ZFYVE27: variants seen among roughly 807,000 people sequenced by gnomAD.
ZFYVE27 encodes the protein zinc finger FYVE-type containing 27.
ZFYVE27 carries 36 observed loss-of-function variants against 52.8 expected under a neutral mutation model. That is an observed-to-expected ratio of 0.68 (90% confidence interval 0.52 to 0.90). The LOEUF (loss-of-function observed/expected upper bound fraction) is 0.90, where lower values mean the gene tolerates loss of function less well. ZFYVE27 is among the 40% of genes least tolerant of loss of function. The pLI, the probability that ZFYVE27 is intolerant of heterozygous loss-of-function variation, is 0.00. For missense variants in ZFYVE27, 450 were observed against 527.2 expected (o/e 0.85, Z 1.43); for synonymous variants, 223 against 215.6 (o/e 1.03, Z -0.30).
At chr10:97,748,686 G>A (rs972309627) in intron 5 of ZFYVE27, among the ~76,000 whole-genome samples, 8 of 152,134 alleles carry the variant, frequency 5.3e-5, no homozygotes, top group Admixed American at 1.3e-4. Flanking sequence ...GTTTCATAGT[G>A]TATGTTCAAT....
intron 10 of ZFYVE27, among the ~76,000 whole-genome samples, chr10:97,756,744 C>T (rs966117232): frequency 3.7e-4 from 57 of 152,226 alleles, no homozygotes; most frequent in African/African-American, 1.3e-3. Flanking sequence ...TACAGTTGAG[C>T]ATTCTACCCT....
In ZFYVE27 at chr10:97,738,255, C is replaced by T. The variant is rs554259216; in HGVS notation, c.-1-222C>T. On this transcript the variant is annotated intron_variant, in intron 1 of 12. Coordinates refer to ENST00000684270, the MANE Select transcript of ZFYVE27 (RefSeq NM_001385875.1). ...TTTCATTTCAGCCCATGGGCTGCCT[C>T]GCTGCAGCGATCATTTATGCTTGGT... Among the ~76,000 whole-genome samples, 8 of 152,238 alleles carry T rather than the reference C, an allele frequency of 5.3e-5. No homozygotes were observed. The South Asian group carries it at 1.2e-3, about 24-fold the overall frequency.
At chr10:97,757,008 G>C (rs75852623) in intron 10 of ZFYVE27, among the ~76,000 whole-genome samples, 5,308 of 152,264 alleles carry the variant, frequency 0.035, 120 homozygotes, top group South Asian at 0.049. Flanking sequence ...GAACCTGTAG[G>C]TAGGGCCACT....
rs376296816 is a variant in ZFYVE27, at chr10:97,742,002, G to A, written c.198-1092G>A. On this transcript the variant is annotated intron_variant, in intron 2 of 12. Transcript: ENST00000684270. ...ACAAAAACTGGCCAGGTGTGGTGGC[G>A]TGCCCCTGTAATCCCAGCTGCTAGG... is the stretch of plus-strand genomic sequence containing the variant. Among the ~76,000 whole-genome samples the A allele has an allele frequency of 2.5e-4, 38 of 152,002 alleles. 1 individual carries two copies. The highest frequency in any genetic ancestry group is 8.7e-4 in the African/African-American group (36 of 41,476).
intron 5 of ZFYVE27, 94 bp from the exon 6 acceptor site, chr10:97,749,380 G>A: frequency 1.1e-6 from 1 of 900,468 alleles, no homozygotes; most frequent in Non-Finnish European, 1.9e-6. Flanking sequence ...GCCCAGAGCT[G>A]TGTCTCACCT....
At position 97,757,733 on chromosome 10, in the gene ZFYVE27, G is replaced by A. The variant is rs764443885; in HGVS notation, c.1171+10G>A. The A allele has an allele frequency of 4.3e-6, 7 of 1,614,194 alleles. No homozygotes were observed. The South Asian group carries it at 7.7e-5, about 18-fold the overall frequency. ...TCCATGGGGGCCACAGGTGAGTGGT[G>A]CAGGTGGTGGGAGGGCTTGGTTGGT... On this transcript the variant is annotated intron_variant, in intron 12 of 12. Transcript: ENST00000684270.
chr10:97,750,521 CT>C (rs754533457), intron 7 of ZFYVE27, 51 bp downstream of exon 7: 20 of 1,609,878 alleles, frequency 1.2e-5, no homozygotes, highest in Admixed American at 5.0e-5. Context: ...GTGGGCCCCC[CT>C]GTTATCAGCT....
Position 97,743,136 on chromosome 10 carries a change from C to T in ZFYVE27, c.240C>T (p.Leu80=). ...PLCSLLTCLG[L]NVLFLTLNEG... is the part of the protein sequence containing the mutation. ...GTTCCTTGCTGACCTGCCTGGGCCT[C>T]AACGTCTTGTTCCTCACTTTGAATG... Residue 80 remains leucine (L), a synonymous_variant, in exon 3 of 13, where the codon CTC becomes CTT. Coordinates refer to ENST00000684270, the MANE Select transcript of ZFYVE27 (RefSeq NM_001385875.1). 1 of 1,614,220 alleles carries T rather than the reference C, an allele frequency of 6.2e-7. No homozygotes were observed. Among genetic ancestry groups the T allele is most frequent in the Non-Finnish European group, 8.5e-7 (1 of 1,180,046 alleles).
At chr10:97,743,265 C>T in intron 3 of ZFYVE27, 101 bp downstream of exon 3, 1 of 1,358,722 alleles carries the variant, frequency 7.4e-7, no homozygotes, top group Non-Finnish European at 1.1e-6. Flanking sequence ...CTCTTGTTGC[C>T]CTGGAGTTAG....
chr10:97,757,705 T>G lies in ZFYVE27; in HGVS notation c.1153T>G (p.Ser385Ala), dbSNP rs1322182249. ...SRCCSFKVPK[S>A]SMGATAPEAQ... ...ATGCTGCTCCTTCAAGGTGCCCAAG[T>G]CCTCCATGGGGGCCACAGGTGAGTG... Residue 385 changes from serine (S) to alanine (A), a missense_variant, in exon 12 of 13, where the codon TCC becomes GCC. By Grantham distance (99) the Ser-to-Ala change is moderately conservative. Coordinates refer to ENST00000684270, the MANE Select transcript of ZFYVE27 (RefSeq NM_001385875.1). The G allele has an allele frequency of 6.2e-7, 1 of 1,614,072 alleles. No individual in the cohort carries two copies. Among genetic ancestry groups the G allele is most frequent in the Non-Finnish European group, 8.5e-7 (1 of 1,180,028 alleles).
chr10:97,742,839 A>G (rs1216153666), intron 2 of ZFYVE27, among the ~76,000 whole-genome samples: 2 of 152,206 alleles, frequency 1.3e-5, no homozygotes, highest in Non-Finnish European at 2.9e-5. Context: ...CTTAACTGAT[A>G]TTTTATAAAT....
In ZFYVE27 at chr10:97,753,130, G is replaced by A; in HGVS notation, c.990G>A (p.Lys330=). The A allele has an allele frequency of 6.2e-7, 1 of 1,612,328 alleles. No homozygotes were observed. The highest frequency in any genetic ancestry group is 2.2e-5 in the East Asian group (1 of 44,796). ...GCAAGAATGAGGTGCTGCGCAGCAA[G>A]GTGTCTCGGCTCACGGAGCGGCTCC... ...FLSKNEVLRS[K]VSRLTERLRK... The change falls in exon 10 of 13, where the codon AAG becomes AAA. Residue 330 remains lysine (K), a synonymous_variant. Coordinates refer to ENST00000684270, the MANE Select transcript of ZFYVE27 (RefSeq NM_001385875.1).
At chr10:97,740,578 A>AG (rs1450585453) in intron 2 of ZFYVE27, among the ~76,000 whole-genome samples, 1 of 152,172 alleles carries the variant, frequency 6.6e-6, no homozygotes. Flanking sequence ...TAGCACACTA[A>AG]TGTGTTAGGG....
rs768557956 is a variant in ZFYVE27, at chr10:97,757,675, T to C, written c.1123T>C (p.Ser375Pro). 4 of 1,614,184 alleles carry C rather than the reference T, an allele frequency of 2.5e-6. No individual in the cohort carries two copies. Among genetic ancestry groups the C allele is most frequent in the Non-Finnish European group, 3.4e-6 (4 of 1,180,038 alleles). The change falls in exon 12 of 13, where the codon TCT becomes CCT. Residue 375 changes from serine to proline, a missense_variant. By Grantham distance (74) the Ser-to-Pro change is moderately conservative. Coordinates refer to ENST00000684270, the MANE Select transcript of ZFYVE27 (RefSeq NM_001385875.1). ...SCSNCGNSFC[S>P]RCCSFKVPKS... ...CAGTAATTGTGGAAACAGCTTCTGCTCTCGATGCTGCTCCTTCAAGGTGCC... is the reference window on the plus strand; with the variant it reads ...CAGTAATTGTGGAAACAGCTTCTGCCCTCGATGCTGCTCCTTCAAGGTGCC...
intron 10 of ZFYVE27, among the ~76,000 whole-genome samples, chr10:97,755,789 G>T (rs1325838146): frequency 1.3e-5 from 2 of 152,212 alleles, no homozygotes; most frequent in Non-Finnish European, 2.9e-5. Flanking sequence ...CCTTTGTCCT[G>T]GAGGCTCCAT....
At chr10:97,738,763 G>A (rs955505302) in intron 2 of ZFYVE27, 89 bp downstream of exon 2, 15 of 1,497,616 alleles carry the variant, frequency 1.0e-5, no homozygotes, top group Admixed American at 1.7e-5. Flanking sequence ...GGCAGTGGCT[G>A]GGCTGTCCTT....
intron 2 of ZFYVE27, 128 bp from the exon 3 acceptor site, chr10:97,742,966 C>G: frequency 1.0e-6 from 1 of 999,968 alleles, no homozygotes; most frequent in Non-Finnish European, 1.6e-6. Context: ...GCCCCCTTTT[C>G]GTTTCTCCTT....
intron 3 of ZFYVE27, among the ~76,000 whole-genome samples, 158 bp downstream of exon 3, chr10:97,743,322 G>A (rs1030753423): frequency 2.0e-5 from 3 of 152,190 alleles, no homozygotes; most frequent in Admixed American, 1.3e-4. Context: ...CCAGAGGGAC[G>A]ATCCAGGCTG....
intron 10 of ZFYVE27, 178 bp from the exon 11 acceptor site, chr10:97,757,087 G>T: frequency 1.3e-6 from 1 of 743,674 alleles, no homozygotes; most frequent in Non-Finnish European, 2.3e-6. Context: ...GGGGCTATCA[G>T]TCTTCTTAGT....
Sources: allele counts gnomAD v4.1 joint callset (sites outside exome capture counted in the v4.1 genomes callset), GRCh38; gene constraint gnomAD v4.1.1; transcripts MANE v1.5; gene names NCBI Gene and HGNC (gene_info 2026-07-23, HGNC 2026-07-21).